Variants in ZNF445 observed in about 807,000 individuals in gnomAD.
ZNF445 encodes the protein zinc finger protein 445.
ZNF445 carries 19 observed loss-of-function variants against 93.9 expected under a neutral mutation model. The observed-to-expected ratio is 0.20, with a 90% confidence interval of 0.14 to 0.30. ZNF445 has a LOEUF of 0.30. Ranked by LOEUF, ZNF445 falls within the 10% of genes least tolerant of loss-of-function variation. The probability of loss-of-function intolerance (pLI) is 1.00; values close to 1 mark genes in which losing one functional copy is unlikely to be tolerated. For synonymous variants in ZNF445, 449 were observed against 446.3 expected (o/e 1.01, Z -0.08); for missense variants, 1,058 against 1,259.4 (o/e 0.84, Z 2.42).
chr3:44,442,838 C>A lies in ZNF445; in HGVS notation c.*3737G>T, dbSNP rs1451962845. The stretch of plus-strand genomic sequence containing the variant: ...TGTGTGTTTGTGGGTGGCTTCCAGT[C>A]AACATTTCACCCCACAGCCCCTTAA... On this transcript the variant is annotated 3_prime_UTR_variant, in exon 8 of 8. Transcript: ENST00000396077. 6.6e-6 allele frequency: 1 copy of A among 151,970 alleles called. No homozygotes were observed. Among genetic ancestry groups the A allele is most frequent in the Non-Finnish European group, 1.5e-5 (1 of 67,990 alleles). 9.4% of individuals were successfully genotyped at this position (151,970 alleles called of 1,614,324 possible). A position where few individuals can be genotyped will look rare whatever the true frequency, so the allele number is the denominator to read the frequency against.
rs1325736433 is a variant in ZNF445, at chr3:44,438,035, T to C, written c.*8540A>G. On this transcript the variant is annotated 3_prime_UTR_variant, in exon 8 of 8. Coordinates refer to ENST00000396077, the MANE Select transcript of ZNF445 (RefSeq NM_181489.6). ...ACTTTTACCCAGCCCCTATTCAACA[T>C]GGAGTTGCTCTCGTTCCAATGCTTC... The C allele has an allele frequency of 2.0e-5, 3 of 152,218 alleles. No homozygotes were observed. Among genetic ancestry groups the C allele is most frequent in the Non-Finnish European group, 2.9e-5 (2 of 67,966 alleles). The allele number at this position is 152,218 out of a possible 1,614,324, so 9.4% of individuals were successfully genotyped here.
chr3:44,447,539 C>T lies in ZNF445; in HGVS notation c.2132G>A (p.Cys711Tyr). 2 of 1,614,176 alleles carry T rather than the reference C, an allele frequency of 1.2e-6. No homozygotes were observed. The stretch of plus-strand genomic sequence containing the variant: ...GGCAAAGTCCTTCCCACAATCGCTA[C>T]ACTGGTAAGGTTTCTCACCTGTGTG... ...RIHTGEKPYQ[C>Y]SDCGKDFAYR... is the part of the protein sequence containing the mutation. The change falls in exon 8 of 8, where the codon TGT (cysteine) becomes TAT (tyrosine). Residue 711 changes from cysteine to tyrosine, a missense_variant. Transcript: ENST00000396077. The surrounding 1 kb of genome is among the most constrained non-coding windows in gnomAD (Gnocchi z 4.7).
At chr3:44,459,671 G>C (rs1698081138) in intron 1 of ZNF445, among the ~76,000 whole-genome samples, 1 of 152,170 alleles carries the variant, frequency 6.6e-6, no homozygotes, top group African/African-American at 2.4e-5. Context: ...GTAGATGGAA[G>C]AAACAGTACA....
Position 44,436,298 on chromosome 3 carries a change from C to T in ZNF445, c.*10277G>A, listed in dbSNP as rs1250287649. 4 of 152,220 alleles carry T rather than the reference C, an allele frequency of 2.6e-5. No individual in the cohort carries two copies. The highest frequency in any genetic ancestry group is 9.6e-5 in the African/African-American group (4 of 41,454). The allele number at this position is 152,220 out of a possible 1,614,324, so 9.4% of individuals were successfully genotyped here. ...CTCTGTGGGTCAGACCATTCAGGAT[C>T]CTGCTTTGGCTGCACTGTCCATGGC... is the stretch of plus-strand genomic sequence containing the variant. On this transcript the variant is annotated 3_prime_UTR_variant, in exon 8 of 8. Coordinates refer to ENST00000396077, the MANE Select transcript of ZNF445 (RefSeq NM_181489.6).
chr3:44,446,511 A>C lies in ZNF445; in HGVS notation c.*64T>G, dbSNP rs1697878953. ...TTATCAAAGTTACTCCACAATGCCT[A>C]TAATTAAGGGTTCTCTAGCAGGGGA... On this transcript the variant is annotated 3_prime_UTR_variant, in exon 8 of 8. Coordinates refer to ENST00000396077, the MANE Select transcript of ZNF445 (RefSeq NM_181489.6). This position sits in a 1 kb window ranked among gnomAD's most constrained non-coding sequence, Gnocchi z 4.2. The C allele has an allele frequency of 3.1e-6, 5 of 1,596,134 alleles. No homozygotes were observed. In the South Asian group the frequency reaches 5.6e-5, roughly 18 times the overall value.
intron 3 of ZNF445, 150 bp downstream of exon 3, chr3:44,454,971 G>T: frequency 1.0e-6 from 1 of 957,392 alleles, no homozygotes; most frequent in Non-Finnish European, 1.6e-6. Context: ...TCAGGGTCCC[G>T]TTCTCAGCTG....
intron 1 of ZNF445, among the ~76,000 whole-genome samples, chr3:44,469,780 C>A (rs1698240470): frequency 6.7e-6 from 1 of 150,296 alleles, no homozygotes; most frequent in Non-Finnish European, 1.5e-5. Context: ...AAAACAAAAA[C>A]AAAAACAAAA....
chr3:44,439,514 C>G lies in ZNF445; in HGVS notation c.*7061G>C, dbSNP rs990590101. The G allele has an allele frequency of 5.3e-5, 8 of 152,274 alleles. No individual in the cohort carries two copies. The highest frequency in any genetic ancestry group is 1.7e-4 in the African/African-American group (7 of 41,410). 9.4% of individuals were successfully genotyped at this position (152,274 alleles called of 1,614,324 possible). On this transcript the variant is annotated 3_prime_UTR_variant, in exon 8 of 8. Transcript: ENST00000396077. ...CCCAGCATTAGTAGCTGGGACCTCTCCACAGAAGCACAGATCCAAAGGCCA... is the reference window on the plus strand; with the variant it reads ...CCCAGCATTAGTAGCTGGGACCTCTGCACAGAAGCACAGATCCAAAGGCCA...
At chr3:44,456,410 C>G (rs1698028670) in intron 2 of ZNF445, among the ~76,000 whole-genome samples, 1 of 152,180 alleles carries the variant, frequency 6.6e-6, no homozygotes, top group Admixed American at 6.5e-5. Context: ...GAGCAAGGGT[C>G]TGTCTCAAAA....
chr3:44,473,297 A>G (rs1454721714), intron 1 of ZNF445, among the ~76,000 whole-genome samples: 2 of 152,184 alleles, frequency 1.3e-5, no homozygotes, highest in African/African-American at 4.8e-5. Flanking sequence ...TCTACTAAAA[A>G]TACAAAAATT....
chr3:44,454,469 T>C (rs1423276305), intron 3 of ZNF445, among the ~76,000 whole-genome samples: 1 of 152,200 alleles, frequency 6.6e-6, no homozygotes, highest in Non-Finnish European at 1.5e-5. Flanking sequence ...GGTCTTGCTG[T>C]GTCACCCAGG....
chr3:44,469,781 AAAAAC>A lies in ZNF445; in HGVS notation c.-269+7805_-269+7809del, dbSNP rs547668080. 7.9e-3 allele frequency among the ~76,000 whole-genome samples: 1,202 copies of A among 152,180 alleles called. 13 individuals carry two copies. Among genetic ancestry groups the A allele is most frequent in the Non-Finnish European group, 0.011 (772 of 68,008 alleles). On this transcript the variant is annotated intron_variant, in intron 1 of 7. Transcript: ENST00000396077. ...AAAACTCCATCTCAAAAACAAAAAC[AAAAAC>A]AAAACAAAACAAAACAAACAAAACA...
chr3:44,465,068 A>G (rs1367366640), intron 1 of ZNF445, among the ~76,000 whole-genome samples: 1 of 142,374 alleles, frequency 7.0e-6, no homozygotes, highest in Non-Finnish European at 1.5e-5. Flanking sequence ...CTCCGCCTAA[A>G]AAAAAAAAAA....
At chr3:44,450,727 G>C in intron 5 of ZNF445, 141 bp downstream of exon 5, 1 of 1,291,498 alleles carries the variant, frequency 7.7e-7, no homozygotes, top group Non-Finnish European at 1.1e-6. Context: ...CTCTGGGCTT[G>C]AGGGGGATAA....
Position 44,438,855 on chromosome 3 carries a change from G to A in ZNF445, c.*7720C>T, listed in dbSNP as rs535434177. ...CACAGGAAGGGGAACATCACACTCT[G>A]GGGACTGTTGTGGGGTGGGGGGAGG... On this transcript the variant is annotated 3_prime_UTR_variant, in exon 8 of 8. Transcript: ENST00000396077. 3 of 48,416 alleles carry A rather than the reference G, an allele frequency of 6.2e-5. No individual in the cohort carries two copies. Among genetic ancestry groups the A allele is most frequent in the African/African-American group, 2.6e-4 (3 of 11,414 alleles). 3.0% of individuals were successfully genotyped at this position (48,416 alleles called of 1,614,324 possible).
chr3:44,453,996 C>T (rs1242361960), intron 3 of ZNF445, among the ~76,000 whole-genome samples: 1 of 151,944 alleles, frequency 6.6e-6, no homozygotes, highest in Admixed American at 6.6e-5. Flanking sequence ...CCATCTCACA[C>T]ACATAGAAAA....
rs986126144 is a variant in ZNF445, at chr3:44,440,376, A to C, written c.*6199T>G. ...TGGATCCCATTTCTTCATTAAAATT[A>C]TGAGTTTACAGCTTCTGGCTTCACT... is the stretch of plus-strand genomic sequence containing the variant. On this transcript the variant is annotated 3_prime_UTR_variant, in exon 8 of 8. Coordinates refer to ENST00000396077, the MANE Select transcript of ZNF445 (RefSeq NM_181489.6). The C allele has an allele frequency of 1.3e-5, 2 of 152,236 alleles. No individual in the cohort carries two copies. The highest frequency in any genetic ancestry group is 2.9e-5 in the Non-Finnish European group (2 of 68,038). 9.4% of individuals were successfully genotyped at this position (152,236 alleles called of 1,614,324 possible).
At chr3:44,452,109 G>A (rs1237624850) in intron 3 of ZNF445, among the ~76,000 whole-genome samples, 1 of 152,168 alleles carries the variant, frequency 6.6e-6, no homozygotes, top group Non-Finnish European at 1.5e-5. Flanking sequence ...CCAACAAAGA[G>A]GAAGCATTTG....
chr3:44,457,130 C>T (rs1304044000), intron 2 of ZNF445, among the ~76,000 whole-genome samples: 1 of 152,034 alleles, frequency 6.6e-6, no homozygotes, highest in African/African-American at 2.4e-5. Context: ...GAGCGAGACT[C>T]CATCTCAAAA....
Sources: allele counts gnomAD v4.1 joint callset (sites outside exome capture counted in the v4.1 genomes callset), GRCh38; gene constraint gnomAD v4.1.1; non-coding constraint Gnocchi (gnomAD v3.1); transcripts MANE v1.5; gene names NCBI Gene and HGNC (gene_info 2026-07-23, HGNC 2026-07-21).